The following FYB1 variants were observed in gnomAD, a reference collection of about 807,000 sequenced individuals.
The protein encoded by FYB1 is FYN-binding protein 1.
In FYB1, 41 loss-of-function variants were observed where a neutral mutation model predicts 94.1. The observed-to-expected ratio is 0.44, with a 90% confidence interval of 0.34 to 0.57. FYB1 has a LOEUF of 0.57. Ranked by LOEUF, FYB1 falls within the 20% of genes least tolerant of loss-of-function variation. FYB1 has a pLI of 0.02. For synonymous variants in FYB1, 367 were observed against 353.2 expected (o/e 1.04, Z -0.44); for missense variants, 1,050 against 976.8 (o/e 1.07, Z -1.00).
intron 12 of FYB1, among the ~76,000 whole-genome samples, chr5:39,124,610 T>A (rs1156782589): frequency 1.3e-5 from 2 of 152,114 alleles, no homozygotes; most frequent in Admixed American, 6.6e-5. Context: ...CCAGAGTAAA[T>A]GAAAGGGACT....
intron 17 of FYB1, among the ~76,000 whole-genome samples, chr5:39,108,813 T>C (rs1008459660): frequency 6.6e-6 from 1 of 152,064 alleles, no homozygotes; most frequent in Non-Finnish European, 1.5e-5. Flanking sequence ...TTTAAAACTA[T>C]TACTTATGAT....
In FYB1 at chr5:39,225,465, A is replaced by G. The variant is rs537947662; in HGVS notation, c.-27-22478T>C. 3.5e-4 allele frequency among the ~76,000 whole-genome samples: 53 copies of G among 152,296 alleles called. 1 individual carries two copies. The South Asian group carries it at 0.011, about 30-fold the overall frequency. On this transcript the variant is annotated intron_variant, in intron 1 of 1. Coordinates refer to the FYB1 transcript ENST00000510188. ...GTCTTTTTGCTCTAAACAGTCAAAT[A>G]TATTTTCTTTGTCTTTTTTCTTAGT...
chr5:39,233,594 C>T (rs2150575183), intron 1 of FYB1, among the ~76,000 whole-genome samples: 1 of 152,154 alleles, frequency 6.6e-6, no homozygotes, highest in South Asian at 2.1e-4. Context: ...TAACATAAAA[C>T]TTCTATGAAA....
intron 1 of FYB1, among the ~76,000 whole-genome samples, chr5:39,242,738 T>C (rs1452205967): frequency 6.6e-6 from 1 of 152,236 alleles, no homozygotes; most frequent in Non-Finnish European, 1.5e-5. Context: ...GTGTTTGAAC[T>C]AGTTTACAGT....
intron 1 of FYB1, among the ~76,000 whole-genome samples, chr5:39,263,275 A>G (rs778176986): frequency 6.6e-6 from 1 of 152,134 alleles, no homozygotes; most frequent in South Asian, 2.1e-4. Context: ...AGTGTCTCAC[A>G]TCTCCTCCTA....
intron 1 of FYB1, among the ~76,000 whole-genome samples, chr5:39,209,820 G>A (rs376769986): frequency 2.0e-5 from 3 of 152,158 alleles, no homozygotes; most frequent in Non-Finnish European, 4.4e-5. Context: ...GATGGACTGC[G>A]TTTACTTAAA....
chr5:39,132,123 G>C (rs568020736), intron 9 of FYB1, among the ~76,000 whole-genome samples: 1 of 152,120 alleles, frequency 6.6e-6, no homozygotes, highest in Non-Finnish European at 1.5e-5. Context: ...CAGCTGTCAG[G>C]GGCTGTGCTT....
chr5:39,185,208 A>G lies in FYB1; in HGVS notation c.1135+16618T>C, dbSNP rs192846534. ...GCCCAGATAAATAATTAACTTCTTT[A>G]GGATGGTTGTCTTATTCTTACCATG... On this transcript the variant is annotated intron_variant, in intron 2 of 18. Transcript: ENST00000512982. Among the ~76,000 whole-genome samples, 9 of 152,264 alleles carry G rather than the reference A, an allele frequency of 5.9e-5. No individual in the cohort carries two copies. In the East Asian group the frequency reaches 1.5e-3, roughly 26 times the overall value.
chr5:39,270,491 C>G (rs570446921), intron 1 of FYB1: 18 of 1,388,520 alleles, frequency 1.3e-5, no homozygotes, highest in Non-Finnish European at 1.7e-5. Flanking sequence ...GAAGCACCCT[C>G]AACTCTGACT....
At chr5:39,199,024 G>A (rs545936044) in intron 2 of FYB1, among the ~76,000 whole-genome samples, 9 of 151,774 alleles carry the variant, frequency 5.9e-5, no homozygotes, top group East Asian at 1.9e-4. Context: ...AAATGGGGGC[G>A]ATAATTACAC....
At chr5:39,270,579 GAA>G in intron 1 of FYB1, 1 of 1,535,112 alleles carries the variant, frequency 6.5e-7, no homozygotes, top group Non-Finnish European at 8.7e-7. Flanking sequence ...CATTTTTATT[GAA>G]AAGAGTTGAT....
chr5:39,229,814 A>G (rs2150568559), intron 1 of FYB1, among the ~76,000 whole-genome samples: 1 of 152,314 alleles, frequency 6.6e-6, no homozygotes, highest in East Asian at 1.9e-4. Flanking sequence ...GTCCAGATCC[A>G]CTTCGTTAAA....
intron 1 of FYB1, among the ~76,000 whole-genome samples, chr5:39,225,898 A>G (rs1417664755): frequency 6.6e-6 from 1 of 152,204 alleles, no homozygotes; most frequent in African/African-American, 2.4e-5. Flanking sequence ...CCACTTTTTT[A>G]ATAGTGTTAA....
intron 16 of FYB1, among the ~76,000 whole-genome samples, chr5:39,118,653 C>T (rs777653661): frequency 6.6e-6 from 1 of 151,940 alleles, no homozygotes; most frequent in Non-Finnish European, 1.5e-5. Flanking sequence ...TCTTTGACAC[C>T]GAGTATATAG....
At chr5:39,123,054 C>A (rs1740277024) in intron 13 of FYB1, among the ~76,000 whole-genome samples, 1 of 152,110 alleles carries the variant, frequency 6.6e-6, no homozygotes, top group Non-Finnish European at 1.5e-5. Flanking sequence ...GCTTTTTCTC[C>A]CTTCTAGACT....
upstream of FYB1, chr5:39,219,564 G>A (rs1385123897): frequency 1.5e-5 from 15 of 985,404 alleles, no homozygotes; most frequent in East Asian, 2.3e-4. Context: ...CAAGAACTGC[G>A]GAGCTTTCTG....
rs1469903777 is a variant in FYB1, at chr5:39,106,411, C to T, written c.*1032G>A. The T allele has an allele frequency of 2.6e-5, 4 of 152,026 alleles. No individual in the cohort carries two copies. The highest frequency in any genetic ancestry group is 9.7e-5 in the African/African-American group (4 of 41,416). 9.4% of individuals were successfully genotyped at this position (152,026 alleles called of 1,614,324 possible). On this transcript the variant is annotated 3_prime_UTR_variant, in exon 19 of 19. Transcript: ENST00000512982. ...TAACATTTGAAACCCAAATGGTTCA[C>T]ATTTTGTTTTTGGATTGCTTTGGGA...
At chr5:39,139,000 A>G in intron 5 of FYB1, 1 of 550,012 alleles carries the variant, frequency 1.8e-6, no homozygotes, top group Non-Finnish European at 3.2e-6. Context: ...TATATAAATC[A>G]GACGTGTAGT....
At position 39,231,147 on chromosome 5, in the gene FYB1, C is replaced by CAAAAAA. The variant is rs747268330; in HGVS notation, c.-27-28166_-27-28161dup. Among the ~76,000 whole-genome samples the CAAAAAA allele has an allele frequency of 8.1e-4, 33 of 40,902 alleles. 1 individual carries two copies. The highest frequency in any genetic ancestry group is 1.3e-3 in the African/African-American group (16 of 11,914). 26.8% of individuals were successfully genotyped at this position (40,902 alleles called of 152,430 possible). A position where few individuals can be genotyped will look rare whatever the true frequency, so the allele number is the denominator to read the frequency against. ...ATAGAAAAAAGTACTCAGCTCAGAG[C>CAAAAAA]AAAAAAAAAAAAAACAAAAAAAAAC... On this transcript the variant is annotated intron_variant, in intron 1 of 1. Coordinates refer to the FYB1 transcript ENST00000510188.
Sources: allele counts gnomAD v4.1 joint callset (sites outside exome capture counted in the v4.1 genomes callset), GRCh38; gene constraint gnomAD v4.1.1; transcripts MANE v1.5; gene names NCBI Gene and HGNC (gene_info 2026-07-23, HGNC 2026-07-21).